ITGBL1: variants seen among roughly 807,000 people sequenced by gnomAD.
The protein encoded by ITGBL1 is integrin subunit beta like 1, also known as integrin beta-like protein 1.
A neutral mutation model predicts 68.5 loss-of-function variants in ITGBL1; 51 were observed. The observed-to-expected ratio is 0.74, with a 90% CI of 0.59 to 0.94. The LOEUF (loss-of-function observed/expected upper bound fraction) is 0.94, where lower values mean the gene tolerates loss of function less well. Ranked by LOEUF, ITGBL1 falls within the 40% of genes least tolerant of loss-of-function variation. ITGBL1 has a pLI of 0.00. For missense variants in ITGBL1, 649 were observed against 647.4 expected, an observed-to-expected ratio of 1.00 and a Z score of -0.03; for synonymous variants, 209 against 227.3, an observed-to-expected ratio of 0.92 and a Z score of 0.72.
chr13:101,580,018 T>G (rs2050429016), intron 5 of ITGBL1, among the ~76,000 whole-genome samples: 1 of 152,162 alleles, frequency 6.6e-6, no homozygotes, highest in South Asian at 2.1e-4. Flanking sequence ...AAACTATAAT[T>G]TAAAGGTAGT....
intron 2 of ITGBL1, among the ~76,000 whole-genome samples, chr13:101,494,669 A>T (rs1025024359): frequency 3.3e-5 from 5 of 152,202 alleles, no homozygotes; most frequent in African/African-American, 1.2e-4. Context: ...AATAAATGAT[A>T]GCATATTAAC....
chr13:101,613,525 G>A (rs1376286681), intron 7 of ITGBL1, among the ~76,000 whole-genome samples: 1 of 152,250 alleles, frequency 6.6e-6, no homozygotes, highest in African/African-American at 2.4e-5. Flanking sequence ...CTGTAAGTAC[G>A]GAGGGCAGGG....
Position 101,710,650 on chromosome 13 carries a change from CAA to C in ITGBL1, c.1279+3751_1279+3752del, listed in dbSNP as rs1305945893. 2.0e-5 allele frequency among the ~76,000 whole-genome samples: 3 copies of C among 152,098 alleles called. No individual in the cohort carries two copies. The East Asian group carries it at 5.8e-4, about 29-fold the overall frequency. On this transcript the variant is annotated intron_variant, in intron 9 of 10. Transcript: ENST00000376180. ...TGAAAGTCCCTCACCCTGATGGTCA[CAA>C]AAGATGTTCAAGTTCTTTCTTTATT...
chr13:101,580,298 A>C (rs1241367353), intron 5 of ITGBL1, among the ~76,000 whole-genome samples: 2 of 152,204 alleles, frequency 1.3e-5, no homozygotes, highest in Non-Finnish European at 2.9e-5. Flanking sequence ...AGAAATTGAC[A>C]TAGAGGAGTA....
chr13:101,632,145 CTCTCTA>C (rs1377769508), intron 7 of ITGBL1, among the ~76,000 whole-genome samples: 5,825 of 149,484 alleles, frequency 0.039, 205 homozygotes, highest in African/African-American at 0.096. Context: ...CTCTCTCTCT[CTCTCTA>C]TATATATATA....
intron 4 of ITGBL1, among the ~76,000 whole-genome samples, chr13:101,576,136 A>G (rs2050354663): frequency 6.6e-6 from 1 of 152,202 alleles, no homozygotes; most frequent in African/African-American, 2.4e-5. Flanking sequence ...TTGTCTCACA[A>G]CATCACTCTA....
chr13:101,597,704 C>T (rs1159486265), intron 6 of ITGBL1, among the ~76,000 whole-genome samples: 2 of 152,074 alleles, frequency 1.3e-5, no homozygotes, highest in Non-Finnish European at 2.9e-5. Flanking sequence ...AGGTGCACGC[C>T]ACCATGCCTG....
At chr13:101,649,878 G>A (rs2032686253) in intron 7 of ITGBL1, among the ~76,000 whole-genome samples, 5 of 152,138 alleles carry the variant, frequency 3.3e-5, no homozygotes, top group Non-Finnish European at 1.5e-5. Flanking sequence ...CTCAGTGAAA[G>A]TGTGACCTTT....
chr13:101,644,216 A>G (rs948069816), intron 7 of ITGBL1, among the ~76,000 whole-genome samples: 30 of 152,206 alleles, frequency 2.0e-4, no homozygotes, highest in African/African-American at 7.0e-4. Flanking sequence ...TGCACCTTCA[A>G]TAAAAACTAC....
chr13:101,509,526 T>G (rs2049081367), intron 2 of ITGBL1, among the ~76,000 whole-genome samples: 1 of 152,206 alleles, frequency 6.6e-6, no homozygotes, highest in Non-Finnish European at 1.5e-5. Flanking sequence ...ATAATACCAT[T>G]GGACCCGGTT....
intron 2 of ITGBL1, among the ~76,000 whole-genome samples, chr13:101,543,897 G>A (rs997474952): frequency 2.6e-4 from 40 of 152,122 alleles, no homozygotes; most frequent in African/African-American, 8.9e-4. Flanking sequence ...TTGGTTTTCA[G>A]CTCCATCGGG....
In ITGBL1 at chr13:101,705,313, C is replaced by A. The variant is rs59192941; in HGVS notation, c.1133-1443C>A. 6.2e-3 allele frequency among the ~76,000 whole-genome samples: 773 copies of A among 124,648 alleles called. 7 individuals are homozygous for A. Among genetic ancestry groups the A allele is most frequent in the African/African-American group, 0.02 (673 of 33,614 alleles). The allele number at this position is 124,648 out of a possible 152,430, so 81.8% of individuals were successfully genotyped here. ...AAAGCAAAAAAAAAAAAAAAAACAA[C>A]AACAACAAAAAAAAATAGTTTTCCA... is the stretch of plus-strand genomic sequence containing the variant. On this transcript the variant is annotated intron_variant, in intron 8 of 10. Coordinates refer to ENST00000376180, the MANE Select transcript of ITGBL1 (RefSeq NM_004791.3).
intron 2 of ITGBL1, among the ~76,000 whole-genome samples, chr13:101,551,322 T>C (rs2139212458): frequency 6.6e-6 from 1 of 152,306 alleles, no homozygotes; most frequent in Admixed American, 6.5e-5. Flanking sequence ...ACTGATTATA[T>C]TTTGTAAAGA....
At chr13:101,617,632 A>G (rs527813093) in intron 7 of ITGBL1, among the ~76,000 whole-genome samples, 2 of 152,330 alleles carry the variant, frequency 1.3e-5, no homozygotes, top group South Asian at 4.1e-4. Flanking sequence ...ACAGTCTTTT[A>G]TTAAAACTAT....
At chr13:101,602,825 T>A (rs1462018016) in intron 7 of ITGBL1, among the ~76,000 whole-genome samples, 2 of 152,046 alleles carry the variant, frequency 1.3e-5, no homozygotes, top group Non-Finnish European at 2.9e-5. Context: ...TCATAAAATA[T>A]GTGATCTTCT....
chr13:101,560,622 A>G (rs999325610), intron 2 of ITGBL1, among the ~76,000 whole-genome samples: 2 of 152,220 alleles, frequency 1.3e-5, no homozygotes, highest in African/African-American at 4.8e-5. Flanking sequence ...AAGTTAAATA[A>G]TTTATATATG....
intron 2 of ITGBL1, among the ~76,000 whole-genome samples, chr13:101,468,542 C>T (rs2048414891): frequency 6.6e-6 from 1 of 152,116 alleles, no homozygotes; most frequent in Non-Finnish European, 1.5e-5. Flanking sequence ...GGGTTTTCTT[C>T]AGCATTATAG....
At chr13:101,710,531 A>T (rs2034413693) in intron 9 of ITGBL1, among the ~76,000 whole-genome samples, 1 of 152,138 alleles carries the variant, frequency 6.6e-6, no homozygotes, top group Admixed American at 6.5e-5. Flanking sequence ...GGAAAAGAAA[A>T]ACCTGTTTCC....
intron 7 of ITGBL1, among the ~76,000 whole-genome samples, chr13:101,652,834 G>A (rs987944704): frequency 3.9e-5 from 6 of 152,066 alleles, no homozygotes; most frequent in South Asian, 2.1e-4. Context: ...GTGGTGGCTC[G>A]TGCCTGTAAT....
Sources: gnomAD v4.1 joint callset for allele counts (sites outside exome capture counted in the v4.1 genomes callset) on GRCh38, gnomAD v4.1.1 for gene constraint, MANE v1.5 for transcripts, NCBI Gene and HGNC (gene_info 2026-07-23, HGNC 2026-07-21) for gene names.